Variants in ANKRD28 observed in about 807,000 individuals in gnomAD.
ANKRD28 encodes serine/threonine-protein phosphatase 6 regulatory ankyrin repeat subunit A.
A neutral mutation model predicts 126.5 loss-of-function variants in ANKRD28; 44 were observed. The observed-to-expected ratio is 0.35, with a 90% CI of 0.27 to 0.45. The LOEUF (loss-of-function observed/expected upper bound fraction) is 0.45. ANKRD28 is among the 20% of genes least tolerant of loss of function. The pLI is 1.00. For missense variants in ANKRD28, 1,110 were observed against 1,316.6 expected, an observed-to-expected ratio of 0.84 and a Z score of 2.43; for synonymous variants, 442 against 468.5, an observed-to-expected ratio of 0.94 and a Z score of 0.73.
chr3:15,720,786 A>AT lies in ANKRD28; in HGVS notation c.996+128dup, dbSNP rs1247108005. 5.0e-5 allele frequency: 43 copies of AT among 862,278 alleles called. 1 individual carries two copies. The highest frequency in any genetic ancestry group is 3.0e-4 in the Middle Eastern group (1 of 3,376). 53.4% of individuals were successfully genotyped at this position (862,278 alleles called of 1,614,324 possible). ...TTGAGTAAGGCTTTCACTCAGCATA[A>AT]TATTTTAAAGATTTATCCATGTTCT... On this transcript the variant is annotated intron_variant, in intron 8 of 27. Coordinates refer to ENST00000683139, the MANE Select transcript of ANKRD28 (RefSeq NM_001349278.2).
intron 14 of ANKRD28, among the ~76,000 whole-genome samples, chr3:15,707,720 G>GT (rs1417062711): frequency 6.6e-6 from 1 of 152,208 alleles, no homozygotes; most frequent in Non-Finnish European, 1.5e-5. Flanking sequence ...AGATCAGCTA[G>GT]TAAGGCTGGT....
In ANKRD28 at chr3:15,850,204, A is replaced by ATATATATAT. The variant is rs1553650054; in HGVS notation, c.27+9172_27+9173insATATATATA. 2.2e-3 allele frequency among the ~76,000 whole-genome samples: 123 copies of ATATATATAT among 54,762 alleles called. 2 individuals carry two copies. Among genetic ancestry groups the ATATATATAT allele is most frequent in the East Asian group, 3.3e-3 (9 of 2,744 alleles). 35.9% of individuals were successfully genotyped at this position (54,762 alleles called of 152,430 possible). ...TCTACATGCAATAAAAAAAAAAAAAAATATATATATATATATATATAGAGA... is the reference window on the plus strand; with the variant it reads ...TCTACATGCAATAAAAAAAAAAAAAATATATATATATATATATATATATATATATAGAGA... On this transcript the variant is annotated intron_variant, in intron 1 of 27. Coordinates refer to the ANKRD28 transcript ENST00000399451.
intron 1 of ANKRD28, among the ~76,000 whole-genome samples, chr3:15,824,569 CAAAAATAA>C (rs948632990): frequency 6.6e-6 from 1 of 152,010 alleles, no homozygotes; most frequent in African/African-American, 2.4e-5. Flanking sequence ...ATGAACAATC[CAAAAATAA>C]GAAATTAAGA....
intron 3 of ANKRD28, among the ~76,000 whole-genome samples, chr3:15,760,269 C>T (rs980232830): frequency 6.6e-6 from 1 of 152,160 alleles, no homozygotes; most frequent in Non-Finnish European, 1.5e-5. Context: ...ATGAAATAAT[C>T]TGTACAACAA....
chr3:15,685,110 G>A (rs2067960713), intron 21 of ANKRD28, 116 bp downstream of exon 21: 5 of 1,016,590 alleles, frequency 4.9e-6, no homozygotes, highest in East Asian at 2.4e-5. Context: ...AGCCTATACA[G>A]TAGATTATTC....
At chr3:15,673,886 T>C (rs2066632606) in intron 27 of ANKRD28, among the ~76,000 whole-genome samples, 1 of 151,794 alleles carries the variant, frequency 6.6e-6, no homozygotes, top group Non-Finnish European at 1.5e-5. Flanking sequence ...ATGTAGGGCC[T>C]AGTAAGGTCA....
chr3:15,794,005 G>A (rs1478625243), intron 2 of ANKRD28, among the ~76,000 whole-genome samples: 1 of 152,154 alleles, frequency 6.6e-6, no homozygotes, highest in Non-Finnish European at 1.5e-5. Context: ...GGGAGGCAGA[G>A]GTTGCAGTGA....
At chr3:15,684,359 A>T (rs1468060949) in intron 21 of ANKRD28, 1 of 152,196 alleles carries the variant, frequency 6.6e-6, no homozygotes, top group Non-Finnish European at 1.5e-5. Flanking sequence ...TAGGAGGCCA[A>T]AGAAAATCTC....
intron 10 of ANKRD28, among the ~76,000 whole-genome samples, chr3:15,712,821 T>TA (rs1259047636): frequency 6.6e-6 from 1 of 152,224 alleles, no homozygotes; most frequent in African/African-American, 2.4e-5. Context: ...CCTAAATTTC[T>TA]ATCTAGATGG....
At chr3:15,681,504 T>C (rs1195486278) in intron 21 of ANKRD28, among the ~76,000 whole-genome samples, 1 of 152,250 alleles carries the variant, frequency 6.6e-6, no homozygotes, top group African/African-American at 2.4e-5. Context: ...TTGCTTATTT[T>C]ATTTCATTAG....
In ANKRD28 at chr3:15,749,095, G is replaced by GTTTT. The variant is rs1357402514; in HGVS notation, c.351+2651_351+2654dup. ...ATTTTCCTTTCATATTCTATATTAT[G>GTTTT]TTTTTGTTTTTTTTTTTTTTTTTTT... is the stretch of plus-strand genomic sequence containing the variant. On this transcript the variant is annotated intron_variant, in intron 4 of 27. Coordinates refer to ENST00000683139, the MANE Select transcript of ANKRD28 (RefSeq NM_001349278.2). 1.9e-3 allele frequency among the ~76,000 whole-genome samples: 199 copies of GTTTT among 106,976 alleles called. 44 individuals carry two copies. The highest frequency in any genetic ancestry group is 7.0e-3 in the African/African-American group (165 of 23,696). 70.2% of individuals were successfully genotyped at this position (106,976 alleles called of 152,430 possible). A position where few individuals can be genotyped will look rare whatever the true frequency, so the allele number is the denominator to read the frequency against.
intron 6 of ANKRD28, among the ~76,000 whole-genome samples, chr3:15,726,433 T>C (rs746973893): frequency 3.3e-5 from 5 of 152,232 alleles, no homozygotes; most frequent in Non-Finnish European, 7.3e-5. Context: ...GTGGTCTGGA[T>C]AGACGACCAA....
rs2125965053 is a variant in ANKRD28 at position 15,839,867 on chromosome 3, ACT to A, written c.27+19508_27+19509del. ...AATTCAACATCCCTTCATAATAAAA[ACT>A]CTCACAAAACTAGATACAGAAGAAA... is the stretch of plus-strand genomic sequence containing the variant. On this transcript the variant is annotated intron_variant, in intron 1 of 27. Transcript: ENST00000399451. The surrounding 1 kb of genome is among the most constrained non-coding windows in gnomAD (Gnocchi z 4.3). Among the ~76,000 whole-genome samples the A allele has an allele frequency of 6.6e-6, 1 of 152,242 alleles. No individual in the cohort carries two copies. The highest frequency in any genetic ancestry group is 1.9e-4 in the East Asian group (1 of 5,190).
intron 2 of ANKRD28, 88 bp downstream of exon 2, chr3:15,795,135 T>G: frequency 1.1e-6 from 1 of 934,450 alleles, no homozygotes; most frequent in South Asian, 1.4e-5. Flanking sequence ...CAGAGTTATA[T>G]TATGTCTTGT....
chr3:15,842,785 T>C (rs1272713598), intron 1 of ANKRD28, among the ~76,000 whole-genome samples: 1 of 152,200 alleles, frequency 6.6e-6, no homozygotes, highest in African/African-American at 2.4e-5. Flanking sequence ...TTTGGAATAT[T>C]ACATATATTA....
rs7618983 is a variant in ANKRD28, at chr3:15,699,755, G to A, written c.1548-3510C>T. On this transcript the variant is annotated intron_variant, in intron 14 of 27. Transcript: ENST00000683139. ...AAACAACAGATGCTGGAGAGGATGT[G>A]GAGAAATAGGCATGCTTTTACACTG... Among the ~76,000 whole-genome samples, 621 of 152,326 alleles carry A rather than the reference G, an allele frequency of 4.1e-3. 8 individuals are homozygous for A. Among genetic ancestry groups the A allele is most frequent in the African/African-American group, 0.013 (552 of 41,580 alleles).
chr3:15,690,124 C>T lies in ANKRD28; in HGVS notation c.1858G>A (p.Ala620Thr). 6.2e-7 allele frequency: 1 copy of T among 1,611,286 alleles called. No individual in the cohort carries two copies. The highest frequency in any genetic ancestry group is 1.7e-5 in the Admixed American group (1 of 59,730). ...CATTCAACATGGCCCTTAAAAGCTGCAAGATCTAGGGGTGTTCTTCCACTA... is the reference window on the plus strand; with the variant it reads ...CATTCAACATGGCCCTTAAAAGCTGTAAGATCTAGGGGTGTTCTTCCACTA... ...NSSGRTPLDLAAFKGHVECVD... is the reference protein window; with the variant it reads ...NSSGRTPLDLTAFKGHVECVD... Residue 620 changes from alanine (A) to threonine (T), a missense_variant, in exon 18 of 28, where the codon GCA (alanine) becomes ACA (threonine). Transcript: ENST00000683139.
chr3:15,724,100 C>G (rs982669776), intron 7 of ANKRD28, among the ~76,000 whole-genome samples: 1 of 152,060 alleles, frequency 6.6e-6, no homozygotes, highest in South Asian at 2.1e-4. Context: ...CTGCTGATTC[C>G]CATAAATGAA....
At position 15,847,765 on chromosome 3, in the gene ANKRD28, T is replaced by C. The variant is rs147403229; in HGVS notation, c.27+11612A>G. 1.2e-4 allele frequency among the ~76,000 whole-genome samples: 19 copies of C among 152,342 alleles called. 1 individual carries two copies. The East Asian group carries it at 3.1e-3, about 25-fold the overall frequency. On this transcript the variant is annotated intron_variant, in intron 1 of 27. Coordinates refer to the ANKRD28 transcript ENST00000399451. ...AACCACTTTTCAAATGGATAACACT[T>C]ACTACCAGTTCCACCTGCCTCCAGC...
Sources: allele counts gnomAD v4.1 joint callset (sites outside exome capture counted in the v4.1 genomes callset), GRCh38; gene constraint gnomAD v4.1.1; non-coding constraint Gnocchi (gnomAD v3.1); transcripts MANE v1.5; gene names NCBI Gene and HGNC (gene_info 2026-07-23, HGNC 2026-07-21).